PTPRD: variants seen among roughly 807,000 people sequenced by gnomAD.
PTPRD encodes receptor-type tyrosine-protein phosphatase delta.
PTPRD carries 34 observed loss-of-function variants against 214.5 expected under a neutral mutation model. The observed-to-expected ratio is 0.16, with a 90% CI of 0.12 to 0.21. PTPRD has a LOEUF of 0.21. Ranked by LOEUF, PTPRD falls within the 10% of genes least tolerant of loss-of-function variation. PTPRD has a pLI of 1.00. For synonymous variants in PTPRD, 1,128 were observed against 845.7 expected, an observed-to-expected ratio of 1.33 and a Z score of -5.79; for missense variants, 2,545 against 2,398.7, an observed-to-expected ratio of 1.06 and a Z score of -1.27.
intron 7 of PTPRD, among the ~76,000 whole-genome samples, chr9:9,584,659 T>C (rs1226213100): frequency 6.6e-6 from 1 of 151,914 alleles, no homozygotes; most frequent in African/African-American, 2.4e-5. Context: ...TTACTTTATT[T>C]CCAAGAAAGG....
At chr9:9,632,667 T>C (rs2095630624) in intron 7 of PTPRD, among the ~76,000 whole-genome samples, 1 of 152,100 alleles carries the variant, frequency 6.6e-6, no homozygotes, top group African/African-American at 2.4e-5. Flanking sequence ...TTTTTCTGCT[T>C]CTACACACCT....
intron 3 of PTPRD, among the ~76,000 whole-genome samples, chr9:10,192,476 T>C (rs1362764540): frequency 6.8e-6 from 1 of 146,076 alleles, no homozygotes; most frequent in Non-Finnish European, 1.5e-5. Context: ...AAAAAGCTGT[T>C]ACATTTTATC....
At chr9:9,612,538 CCT>C (rs2094571352) in intron 7 of PTPRD, among the ~76,000 whole-genome samples, 2 of 152,106 alleles carry the variant, frequency 1.3e-5, no homozygotes, top group South Asian at 2.1e-4. Flanking sequence ...AGTGGTTTTT[CCT>C]CTCTCATGAT....
chr9:10,007,034 A>G (rs1203469907), intron 4 of PTPRD, among the ~76,000 whole-genome samples: 2 of 151,956 alleles, frequency 1.3e-5, no homozygotes, highest in African/African-American at 4.8e-5. Context: ...TGATGATAAC[A>G]TTATAGTCTT....
intron 2 of PTPRD, among the ~76,000 whole-genome samples, chr9:10,595,965 T>C (rs2076540414): frequency 6.6e-6 from 1 of 151,846 alleles, no homozygotes; most frequent in Non-Finnish European, 1.5e-5. Context: ...AATCGTGTGA[T>C]TTGTAGTGCA....
At chr9:8,898,968 A>C (rs2154249681) in intron 11 of PTPRD, among the ~76,000 whole-genome samples, 1 of 152,344 alleles carries the variant, frequency 6.6e-6, no homozygotes, top group African/African-American at 2.4e-5. Context: ...ATAATGGAAC[A>C]TAAGTGGAGT....
chr9:9,614,517 G>A (rs2154347790), intron 7 of PTPRD, among the ~76,000 whole-genome samples: 1 of 152,242 alleles, frequency 6.6e-6, no homozygotes. Context: ...GAGATCTTCA[G>A]AAGTTATCAT....
intron 2 of PTPRD, among the ~76,000 whole-genome samples, chr9:10,578,972 G>A (rs931736370): frequency 7.2e-5 from 11 of 151,874 alleles, no homozygotes; most frequent in Non-Finnish European, 1.2e-4. Context: ...TTGTTACGTA[G>A]GTATACATGT....
intron 7 of PTPRD, among the ~76,000 whole-genome samples, chr9:9,613,127 C>CATATATATATAT (rs1336099691): frequency 6.6e-4 from 26 of 39,110 alleles, no homozygotes; most frequent in Admixed American, 1.0e-3. Flanking sequence ...CTGCAGTATA[C>CATATATATATAT]ATACATACAT....
chr9:10,261,674 C>T (rs555078614), intron 3 of PTPRD, among the ~76,000 whole-genome samples: 1 of 152,092 alleles, frequency 6.6e-6, no homozygotes, highest in South Asian at 2.1e-4. Flanking sequence ...TTTAAAAATC[C>T]AAATCAGTTA....
At chr9:9,963,710 G>A (rs528006937) in intron 4 of PTPRD, among the ~76,000 whole-genome samples, 1 of 152,136 alleles carries the variant, frequency 6.6e-6, no homozygotes, top group Non-Finnish European at 1.5e-5. Context: ...TTCAGACCAA[G>A]AAGGACAAAG....
rs183707703 is a variant in PTPRD, at chr9:10,398,674, T to C, written c.-599-57657A>G. 7.0e-4 allele frequency among the ~76,000 whole-genome samples: 106 copies of C among 152,100 alleles called. No homozygotes were observed. In the East Asian group the frequency reaches 0.017, roughly 24 times the overall value. On this transcript the variant is annotated intron_variant, in intron 2 of 45. Transcript: ENST00000381196. ...TCCAACTAACTTCACCGTGTTGTTA[T>C]GAGGAGCAGAGAAAGTAATCGGTAT...
chr9:9,035,261 T>A (rs1240697096), intron 10 of PTPRD, among the ~76,000 whole-genome samples: 1 of 152,146 alleles, frequency 6.6e-6, no homozygotes, highest in Non-Finnish European at 1.5e-5. Flanking sequence ...AAATAAGAGC[T>A]ATTTTCCTTT....
chr9:10,111,112 T>C (rs538341873), intron 3 of PTPRD, among the ~76,000 whole-genome samples: 4 of 152,076 alleles, frequency 2.6e-5, no homozygotes, highest in African/African-American at 7.2e-5. Context: ...AAGGGGAGAA[T>C]ACAATGCTTT....
chr9:10,251,411 T>A (rs79176480), intron 3 of PTPRD, among the ~76,000 whole-genome samples: 156 of 147,258 alleles, frequency 1.1e-3, no homozygotes, highest in East Asian at 4.5e-3. Flanking sequence ...TTTTTTTTTT[T>A]AATTTTTTTC....
At chr9:8,434,844 A>G (rs1285635111) in intron 35 of PTPRD, among the ~76,000 whole-genome samples, 4 of 152,200 alleles carry the variant, frequency 2.6e-5, no homozygotes, top group Non-Finnish European at 5.9e-5. Context: ...GCCCTAAATT[A>G]GAAACTATAG....
chr9:8,543,849 C>T (rs1224720972), intron 14 of PTPRD, among the ~76,000 whole-genome samples: 1 of 151,594 alleles, frequency 6.6e-6, no homozygotes, highest in Non-Finnish European at 1.5e-5. Context: ...AGTAGCTGGA[C>T]TACAGCTGCG....
intron 3 of PTPRD, among the ~76,000 whole-genome samples, chr9:10,158,154 GC>G (rs1268204148): frequency 1.3e-5 from 2 of 151,848 alleles, no homozygotes; most frequent in Non-Finnish European, 2.9e-5. Flanking sequence ...GATTACAGGT[GC>G]CCCCACCACA....
At chr9:8,880,511 A>G (rs1031013195) in intron 11 of PTPRD, among the ~76,000 whole-genome samples, 1 of 152,178 alleles carries the variant, frequency 6.6e-6, no homozygotes, top group African/African-American at 2.4e-5. Context: ...CTAAATGTTC[A>G]GAGCTAACTA....
Sources: allele counts gnomAD v4.1 joint callset (sites outside exome capture counted in the v4.1 genomes callset), GRCh38; gene constraint gnomAD v4.1.1; transcripts MANE v1.5; gene names NCBI Gene and HGNC (gene_info 2026-07-23, HGNC 2026-07-21).